DNA2: variants seen among roughly 807,000 people sequenced by gnomAD.
The protein encoded by DNA2 is DNA replication helicase/nuclease 2.
Under a neutral mutation model 119.1 loss-of-function variants are expected in DNA2, and 101 were observed. That is an observed-to-expected ratio of 0.85 (90% CI 0.72 to 1.00). The LOEUF (loss-of-function observed/expected upper bound fraction) is 1.00, where lower values mean the gene tolerates loss of function less well. Among genes scored for constraint, DNA2 ranks in the 50% least tolerant of loss-of-function variants. The pLI is 0.00. For missense variants in DNA2, 1,121 were observed against 1,255.5 expected, an observed-to-expected ratio of 0.89 and a Z score of 1.62; for synonymous variants, 366 against 424.4, an observed-to-expected ratio of 0.86 and a Z score of 1.69.
chr10:68,419,712 G>A (rs1461290011), intron 18 of DNA2, 91 bp downstream of exon 18: 45 of 941,984 alleles, frequency 4.8e-5, no homozygotes, highest in South Asian at 8.8e-5. Flanking sequence ...CTTAATAAAC[G>A]AGACTTAATG....
chr10:68,466,494 C>G lies in DNA2; in HGVS notation c.442-682G>C, dbSNP rs150852858. On this transcript the variant is annotated intron_variant, in intron 3 of 20. Transcript: ENST00000358410. Reference sequence around the variant, plus strand: ...TGGGAAGAAAAAAAATTTTTTTAACCTACAGCAGAGATTTTTGGCAAGGAA... The same window carrying G: ...TGGGAAGAAAAAAAATTTTTTTAACGTACAGCAGAGATTTTTGGCAAGGAA... Among the ~76,000 whole-genome samples, 923 of 151,634 alleles carry G rather than the reference C, an allele frequency of 6.1e-3. 10 individuals carry two copies. Among genetic ancestry groups the G allele is most frequent in the African/African-American group, 0.021 (878 of 41,384 alleles).
chr10:68,470,409 AT>A (rs1188928273), intron 1 of DNA2: 2 of 421,860 alleles, frequency 4.7e-6, no homozygotes, highest in Non-Finnish European at 8.6e-6. Context: ...TTCCATTTTA[AT>A]TTCTGTAAAG....
At chr10:68,432,151 A>C in intron 12 of DNA2, 55 bp downstream of exon 12, 1 of 1,304,992 alleles carries the variant, frequency 7.7e-7, no homozygotes, top group African/African-American at 1.5e-5. Context: ...CTACAGTATA[A>C]ATCAAATAGA....
At position 68,446,396 on chromosome 10, in the gene DNA2, T is replaced by C. The variant is rs774564187; in HGVS notation, c.957A>G (p.Leu319=). 2 of 1,588,208 alleles carry C rather than the reference T, an allele frequency of 1.3e-6. No individual in the cohort carries two copies. The highest frequency in any genetic ancestry group is 1.1e-5 in the South Asian group (1 of 86,988). Residue 319 remains leucine, a synonymous_variant, in exon 7 of 21, where the codon CTA becomes CTG. Transcript: ENST00000358410. ...EHRSQVVLYT[L]LSQERRADPE... is the part of the protein sequence containing the mutation. ...GATCAGCTCTTCTCTCTTGGCTTAG[T>C]AGAGTGTACAGAACAACCTGTGCAA... is the stretch of plus-strand genomic sequence containing the variant.
At position 68,469,963 on chromosome 10, in the gene DNA2, A is replaced by C. The variant is rs1481399455; in HGVS notation, c.257+18T>G. On this transcript the variant is annotated intron_variant, in intron 2 of 20. Coordinates refer to ENST00000358410, the MANE Select transcript of DNA2 (RefSeq NM_001080449.3). ...CCCTTAAGATTCAAATCGGTGCTCA[A>C]AGTCACATAAAAATTACCAGTCATT... 1 of 1,588,576 alleles carries C rather than the reference A, an allele frequency of 6.3e-7. No individual in the cohort carries two copies. Among genetic ancestry groups the C allele is most frequent in the Non-Finnish European group, 8.5e-7 (1 of 1,172,350 alleles).
chr10:68,422,768 A>G lies in DNA2; in HGVS notation c.2331T>C (p.Phe777=), dbSNP rs760551270. 49 of 1,610,346 alleles carry G rather than the reference A, an allele frequency of 3.0e-5. No homozygotes were observed. The highest frequency in any genetic ancestry group is 6.7e-5 in the African/African-American group (5 of 74,502). The change falls in exon 15 of 21, where the codon TTT becomes TTC. Residue 777 remains phenylalanine (F), a synonymous_variant. Transcript: ENST00000358410. ...CCACTAACACAAATCTCCGTGAAAAAAAAAGGGGGCCCAGACAAATTGGTT... is the reference window on the plus strand; with the variant it reads ...CCACTAACACAAATCTCCGTGAAAAGAAAAGGGGGCCCAGACAAATTGGTT... ...ISQPICLGPL[F]FSRRFVLVGD... is the part of the protein sequence containing the mutation.
Position 68,424,854 on chromosome 10 carries a change from A to G in DNA2, c.2209-1964T>C, listed in dbSNP as rs2051716298. ...CAACAGCACAACCGTCCACGTGGGT[A>G]CTCACCCAAACAAGGTGGTTATCAC... On this transcript the variant is annotated intron_variant, in intron 14 of 20. Coordinates refer to ENST00000358410, the MANE Select transcript of DNA2 (RefSeq NM_001080449.3). 1.1e-5 allele frequency: 9 copies of G among 791,536 alleles called. No homozygotes were observed. In the East Asian group the frequency reaches 2.2e-4, roughly 20 times the overall value. 49.0% of individuals were successfully genotyped at this position (791,536 alleles called of 1,614,324 possible). A position where few individuals can be genotyped will look rare whatever the true frequency, so the allele number is the denominator to read the frequency against.
intron 5 of DNA2, among the ~76,000 whole-genome samples, chr10:68,457,968 T>C (rs2052207968): frequency 1.3e-5 from 2 of 151,370 alleles, no homozygotes; most frequent in Non-Finnish European, 2.9e-5. Context: ...AGGTCAGGAG[T>C]TCGAGACCAG....
chr10:68,448,106 TGAA>T (rs942668583), intron 6 of DNA2, among the ~76,000 whole-genome samples: 6 of 152,180 alleles, frequency 3.9e-5, no homozygotes, highest in African/African-American at 1.4e-4. Flanking sequence ...TCCAATAAAT[TGAA>T]GAAGGAAATT....
chr10:68,462,404 A>T (rs146087597), intron 4 of DNA2, among the ~76,000 whole-genome samples: 1 of 152,328 alleles, frequency 6.6e-6, no homozygotes, highest in East Asian at 1.9e-4. Flanking sequence ...ATACATGTTA[A>T]TTTCAAATGA....
chr10:68,415,169 A>T (rs974134146), intron 20 of DNA2, 62 bp from the exon 21 acceptor site: 1 of 1,019,790 alleles, frequency 9.8e-7, no homozygotes, highest in African/African-American at 1.6e-5. Flanking sequence ...TTATGACATT[A>T]TTATTTAACA....
At chr10:68,467,627 T>C (rs754441537) in intron 3 of DNA2, among the ~76,000 whole-genome samples, 16 of 152,154 alleles carry the variant, frequency 1.1e-4, no homozygotes, top group Non-Finnish European at 1.6e-4. Flanking sequence ...CTCGGCTCAC[T>C]GCAACCTCCA....
At chr10:68,460,419 A>ATT (rs202173711) in intron 4 of DNA2, among the ~76,000 whole-genome samples, 3 of 143,100 alleles carry the variant, frequency 2.1e-5, no homozygotes, top group Non-Finnish European at 3.1e-5. Context: ...TAATACGGTA[A>ATT]TTTTTTTTTT....
chr10:68,415,763 C>T (rs1036030829), intron 20 of DNA2, among the ~76,000 whole-genome samples: 8 of 152,172 alleles, frequency 5.3e-5, no homozygotes, highest in Non-Finnish European at 1.2e-4. Context: ...AAGCGATTCT[C>T]CTGCCTCAGC....
chr10:68,472,047 C>G (rs764196218), upstream of DNA2: 1 of 1,602,540 alleles, frequency 6.2e-7, no homozygotes, highest in Non-Finnish European at 8.5e-7. Context: ...CACGTGGGGC[C>G]CCTCACCTGA....
At chr10:68,429,458 C>T (rs531993936) in intron 14 of DNA2, among the ~76,000 whole-genome samples, 5 of 150,690 alleles carry the variant, frequency 3.3e-5, no homozygotes, top group African/African-American at 9.8e-5. Flanking sequence ...GCAGGAGAAT[C>T]GCTTGAATCC....
At chr10:68,466,321 C>G (rs1157337375) in intron 3 of DNA2, among the ~76,000 whole-genome samples, 1 of 152,030 alleles carries the variant, frequency 6.6e-6, no homozygotes, top group East Asian at 1.9e-4. Flanking sequence ...TCAAAATATT[C>G]TCAAATAATT....
At chr10:68,448,966 T>TGTGTGC (rs1325187503) in intron 6 of DNA2, among the ~76,000 whole-genome samples, 23 of 131,176 alleles carry the variant, frequency 1.8e-4, no homozygotes, top group South Asian at 5.4e-4. Context: ...TGTGTGTGTG[T>TGTGTGC]GCGTGTGTGT....
intron 18 of DNA2, chr10:68,419,509 C>T (rs569441285): frequency 1.3e-4 from 68 of 511,654 alleles, no homozygotes; most frequent in South Asian, 5.6e-4. Flanking sequence ...TACATTTCAC[C>T]TTCTGCTATT....
Sources: gnomAD v4.1 joint callset for allele counts (sites outside exome capture counted in the v4.1 genomes callset) on GRCh38, gnomAD v4.1.1 for gene constraint, MANE v1.5 for transcripts, NCBI Gene and HGNC (gene_info 2026-07-23, HGNC 2026-07-21) for gene names.